Variants in MFAP1 observed in about 807,000 individuals in gnomAD.
MFAP1 encodes the protein microfibril associated protein 1, also known as microfibrillar-associated protein 1.
Under a neutral mutation model 62.2 loss-of-function variants are expected in MFAP1, and 18 were observed. The observed-to-expected ratio is 0.29, with a 90% CI of 0.20 to 0.43. MFAP1 has a LOEUF of 0.43. MFAP1 is among the 20% of genes least tolerant of loss of function. MFAP1 has a pLI of 1.00. For synonymous variants in MFAP1, 175 were observed against 180.4 expected (o/e 0.97, Z 0.24); for missense variants, 355 against 559.7 (o/e 0.63, Z 3.69).
intron 7 of MFAP1, among the ~76,000 whole-genome samples, chr15:43,807,155 A>G (rs1596054609): frequency 1.3e-5 from 2 of 151,856 alleles, no homozygotes; most frequent in Non-Finnish European, 2.9e-5. Flanking sequence ...GTTCAAGACC[A>G]GCCTGGCCAA....
intron 7 of MFAP1, among the ~76,000 whole-genome samples, chr15:43,808,903 TGA>T: frequency 6.6e-6 from 1 of 152,258 alleles, no homozygotes; most frequent in Non-Finnish European, 1.5e-5. Context: ...ATTGCTATTT[TGA>T]TCTTAGTCTT....
intron 4 of MFAP1, among the ~76,000 whole-genome samples, chr15:43,814,125 T>A (rs1253502081): frequency 6.6e-6 from 1 of 152,020 alleles, no homozygotes; most frequent in East Asian, 1.9e-4. Context: ...TGGTGGCGCA[T>A]GCCTGTAATC....
At chr15:43,811,896 A>G (rs1156329030) in intron 6 of MFAP1, among the ~76,000 whole-genome samples, 3 of 151,388 alleles carry the variant, frequency 2.0e-5, no homozygotes, top group Non-Finnish European at 4.4e-5. Flanking sequence ...CAGCTCAGAA[A>G]TGATTCTGCT....
At chr15:43,816,200 T>C (rs990155430) in intron 2 of MFAP1, among the ~76,000 whole-genome samples, 12 of 151,754 alleles carry the variant, frequency 7.9e-5, no homozygotes, top group Admixed American at 7.9e-4. Context: ...AATAAAAGTG[T>C]TTTTTCCCCC....
At chr15:43,821,014 TCC>T (rs1567177985) in intron 1 of MFAP1, among the ~76,000 whole-genome samples, 1 of 152,054 alleles carries the variant, frequency 6.6e-6, no homozygotes, top group Non-Finnish European at 1.5e-5. Context: ...AAAGTGAGCC[TCC>T]CTCTTCAGCC....
At position 43,812,993 on chromosome 15, in the gene MFAP1, C is replaced by T. The variant is rs115417609; in HGVS notation, c.881G>A (p.Arg294Gln). Residue 294 changes from arginine (R) to glutamine (Q), a missense_variant, in exon 6 of 9, where the codon CGA (arginine) becomes CAA (glutamine). By Grantham distance (43) the Arg-to-Gln change is conservative. This residue lies in a region of MFAP1 where 257 missense variants were observed against 341.3 expected (regional missense o/e 0.75). Transcript: ENST00000267812. ...LKRIKRDRED[R>Q]EALEKEKAEI... ...GGCTCATCTTTTTACTCACGCTTCT[C>T]GATCTTCTCTGTCCCTCTTGATTCT... 7.4e-6 allele frequency: 12 copies of T among 1,614,042 alleles called. No individual in the cohort carries two copies. The highest frequency in any genetic ancestry group is 1.0e-5 in the Non-Finnish European group (12 of 1,179,994).
At chr15:43,810,515 C>CGTG (rs1555459623) in intron 6 of MFAP1, among the ~76,000 whole-genome samples, 1 of 150,560 alleles carries the variant, frequency 6.6e-6, no homozygotes, top group Non-Finnish European at 1.5e-5. Flanking sequence ...TACAGGTGCC[C>CGTG]GCCACCATGC....
Position 43,813,312 on chromosome 15 carries a change from T to A in MFAP1, c.663A>T (p.Lys221Asn), listed in dbSNP as rs750737501. ...TVQEREAEAL[K>N]QKELEQEAKR... ...TTGCTTCCTGCTCCAGCTCCTTCTG[T>A]TTCAATGCTTCGGCTTCACGTTCTT... The change falls in exon 5 of 9, where the codon AAA (lysine) becomes AAT (asparagine). Residue 221 changes from lysine (K) to asparagine (N), a missense_variant. Lys to Asn is a moderately conservative substitution (Grantham distance 94). Coordinates refer to ENST00000267812, the MANE Select transcript of MFAP1 (RefSeq NM_005926.3). 2 of 1,611,504 alleles carry A rather than the reference T, an allele frequency of 1.2e-6. No homozygotes were observed.
rs751174921 is a variant in MFAP1, at chr15:43,813,270, TTCC to T, written c.702_704del (p.Glu235del). 6 of 1,613,512 alleles carry T rather than the reference TTCC, an allele frequency of 3.7e-6. No homozygotes were observed. The Admixed American group carries it at 1.0e-4, about 27-fold the overall frequency. ...GTACCTTGAGTGTGTACTTGCGCCT[TTCC>T]TCAGCCATGCGTTTTGCTTCCTGCT... is the stretch of plus-strand genomic sequence containing the variant. On this transcript the variant is annotated inframe_deletion, in exon 5 of 9. Coordinates refer to ENST00000267812, the MANE Select transcript of MFAP1 (RefSeq NM_005926.3).
At chr15:43,824,351 G>T in intron 1 of MFAP1, 140 bp downstream of exon 1, 1 of 749,160 alleles carries the variant, frequency 1.3e-6, no homozygotes, top group African/African-American at 1.8e-5. Flanking sequence ...GCAAGTGGGT[G>T]GGGGTGGAAA....
rs57728962 is a variant in MFAP1 at position 43,807,703 on chromosome 15, A to G, written c.1047+2052T>C. Among the ~76,000 whole-genome samples the G allele has an allele frequency of 3.3e-3, 505 of 152,216 alleles. 22 individuals are homozygous for G. The East Asian group carries it at 0.057, about 17-fold the overall frequency. ...TACAACCTTTACGTCAACCCTTTCA[A>G]TCTTCTACCAAATATAACATCTCTC... On this transcript the variant is annotated intron_variant, in intron 7 of 8. Transcript: ENST00000267812.
At chr15:43,820,272 G>A (rs563705176) in intron 1 of MFAP1, among the ~76,000 whole-genome samples, 11 of 152,228 alleles carry the variant, frequency 7.2e-5, no homozygotes, top group African/African-American at 2.4e-4. Flanking sequence ...AGCCGAGATC[G>A]CGCCACTGCA....
Position 43,805,020 on chromosome 15 carries a change from G to GA in MFAP1, c.*73dup. On this transcript the variant is annotated 3_prime_UTR_variant, in exon 9 of 9. Transcript: ENST00000267812. ...TGGATACAGGGGCCAAGGAAACAATGAAAAAACCAAATCAAGGACCAGATG... is the reference window on the plus strand; with the variant it reads ...TGGATACAGGGGCCAAGGAAACAATGAAAAAAACCAAATCAAGGACCAGATG... 1 of 1,473,896 alleles carries GA rather than the reference G, an allele frequency of 6.8e-7. No individual in the cohort carries two copies. Among genetic ancestry groups the GA allele is most frequent in the Non-Finnish European group, 9.1e-7 (1 of 1,094,972 alleles). 91.3% of individuals were successfully genotyped at this position (1,473,896 alleles called of 1,614,324 possible).
chr15:43,811,438 A>G (rs1275470285), intron 6 of MFAP1, among the ~76,000 whole-genome samples: 1 of 150,152 alleles, frequency 6.7e-6, no homozygotes, highest in Non-Finnish European at 1.5e-5. Context: ...AAAACCAAAA[A>G]CAAAAAATTA....
intron 6 of MFAP1, among the ~76,000 whole-genome samples, chr15:43,811,642 G>A (rs2087402094): frequency 6.6e-6 from 1 of 151,468 alleles, no homozygotes; most frequent in Non-Finnish European, 1.5e-5. Context: ...CGAGTAGCTG[G>A]GAATAACAGG....
intron 1 of MFAP1, among the ~76,000 whole-genome samples, chr15:43,823,721 G>A (rs1596060258): frequency 6.6e-6 from 1 of 152,138 alleles, no homozygotes; most frequent in South Asian, 2.1e-4. Flanking sequence ...CCTCTCAGTA[G>A]GGAATAAAGT....
At chr15:43,812,397 G>C (rs2087407689) in intron 6 of MFAP1, among the ~76,000 whole-genome samples, 1 of 152,152 alleles carries the variant, frequency 6.6e-6, no homozygotes, top group African/African-American at 2.4e-5. Flanking sequence ...CGATGTATGA[G>C]TTCTGGAACC....
rs2087439973 is a variant in MFAP1, at chr15:43,817,340, A to G, written c.188T>C (p.Ile63Thr). ...SDEEDEEFQF[I>T]KKAKEQEAEP... ...TGCTTCTTGTTCTTTGGCTTTCTTA[A>G]TGAACTGAAATTCTTCATCCTCCTC... Residue 63 changes from isoleucine (I) to threonine (T), a missense_variant, in exon 2 of 9, where the codon ATT becomes ACT. Ile to Thr is a moderately conservative substitution (Grantham distance 89). Around this residue, in one of 6 missense-constraint regions of MFAP1, gnomAD observed 257 missense variants for 341.3 expected, o/e 0.75. Transcript: ENST00000267812. 1.2e-6 allele frequency: 2 copies of G among 1,614,086 alleles called. No individual in the cohort carries two copies. Among genetic ancestry groups the G allele is most frequent in the Non-Finnish European group, 1.7e-6 (2 of 1,180,018 alleles).
intron 6 of MFAP1, among the ~76,000 whole-genome samples, chr15:43,810,359 C>CTTT (rs372486106): frequency 7.0e-6 from 1 of 142,928 alleles, no homozygotes; most frequent in Non-Finnish European, 1.5e-5. Context: ...ATTGCAGTAA[C>CTTT]TTTTTTTTTT....
Sources: gnomAD v4.1 joint callset for allele counts (sites outside exome capture counted in the v4.1 genomes callset) on GRCh38, gnomAD v4.1.1 for gene constraint, gnomAD v4.1.1 regional missense constraint, MANE v1.5 for transcripts, NCBI Gene and HGNC (gene_info 2026-07-23, HGNC 2026-07-21) for gene names.